PCDHA8: variants seen among roughly 807,000 people sequenced by gnomAD.
PCDHA8 encodes protocadherin alpha 8.
Under a neutral mutation model 61.8 loss-of-function variants are expected in PCDHA8, and 53 were observed. The observed-to-expected ratio is 0.86, with a 90% CI of 0.69 to 1.08. The LOEUF is 1.08. Among genes scored for constraint, PCDHA8 ranks in the 50% least tolerant of loss-of-function variants. The probability of loss-of-function intolerance (pLI) is 0.00; values close to 1 mark genes in which losing one functional copy is unlikely to be tolerated. For missense variants in PCDHA8, 1,293 were observed against 1,245.0 expected (o/e 1.04, Z -0.58); for synonymous variants, 618 against 556.6 (o/e 1.11, Z -1.55).
intron 1 of PCDHA8, among the ~76,000 whole-genome samples, chr5:140,962,106 C>T (rs1156902232): frequency 4.6e-5 from 7 of 152,130 alleles, no homozygotes; most frequent in Non-Finnish European, 7.4e-5. Context: ...AGGATGGTCT[C>T]GATCTCCTAA....
intron 1 of PCDHA8, chr5:140,876,592 G>A (rs1469576623): frequency 1.2e-6 from 2 of 1,614,164 alleles, no homozygotes; most frequent in Middle Eastern, 1.6e-4. Flanking sequence ...CCTGATTAGC[G>A]TGTCGGATCG....
At chr5:140,968,653 C>T (rs1301566656) in intron 1 of PCDHA8, 1 of 1,614,150 alleles carries the variant, frequency 6.2e-7, no homozygotes, top group Non-Finnish European at 8.5e-7. Flanking sequence ...AGACTTCTGA[C>T]CTGGACCTCT....
chr5:140,880,419 G>A (rs1554171271), intron 1 of PCDHA8, among the ~76,000 whole-genome samples: 2 of 152,106 alleles, frequency 1.3e-5, no homozygotes, highest in Non-Finnish European at 2.9e-5. Context: ...TTAAAAGCGG[G>A]AACAGTTTTT....
intron 2 of PCDHA8, among the ~76,000 whole-genome samples, chr5:140,979,246 C>A (rs944063929): frequency 2.0e-5 from 3 of 152,206 alleles, no homozygotes; most frequent in African/African-American, 7.2e-5. Context: ...AAACAGGCTG[C>A]TATGTATTTT....
chr5:140,959,491 G>A (rs761208761), intron 1 of PCDHA8, among the ~76,000 whole-genome samples: 6 of 151,956 alleles, frequency 3.9e-5, no homozygotes, highest in Non-Finnish European at 7.4e-5. Context: ...TGTTATATAT[G>A]GATCAAACTA....
At chr5:140,901,452 A>G (rs1352830826) in intron 1 of PCDHA8, among the ~76,000 whole-genome samples, 1 of 152,120 alleles carries the variant, frequency 6.6e-6, no homozygotes, top group African/African-American at 2.4e-5. Flanking sequence ...TTCCCAGCAC[A>G]GACTGTCTTT....
chr5:140,982,094 G>T (rs2096965818), intron 2 of PCDHA8, among the ~76,000 whole-genome samples: 1 of 152,230 alleles, frequency 6.6e-6, no homozygotes, highest in Admixed American at 6.5e-5. Context: ...AGGAACAAGA[G>T]AACCTGCAAG....
intron 1 of PCDHA8, chr5:140,857,097 T>C (rs782084085): frequency 6.3e-7 from 1 of 1,597,284 alleles, no homozygotes; most frequent in Non-Finnish European, 8.6e-7. Context: ...CCTGAGGTGA[T>C]TGTCACTTCT....
At chr5:140,872,134 A>C (rs938546166) in intron 1 of PCDHA8, among the ~76,000 whole-genome samples, 1 of 152,112 alleles carries the variant, frequency 6.6e-6, no homozygotes, top group Non-Finnish European at 1.5e-5. Context: ...CAAAGCTAGA[A>C]TACTCCATTA....
intron 1 of PCDHA8, chr5:140,870,382 C>G (rs782627889): frequency 7.4e-6 from 12 of 1,614,062 alleles, no homozygotes; most frequent in Non-Finnish European, 1.0e-5. Context: ...GGTGACTGCG[C>G]GGGATGGGGG....
intron 1 of PCDHA8, among the ~76,000 whole-genome samples, chr5:140,960,837 G>A (rs1554225051): frequency 6.6e-6 from 1 of 151,456 alleles, no homozygotes; most frequent in African/African-American, 2.5e-5. Flanking sequence ...ACTTGGAACA[G>A]GTTTAATGGC....
rs782070226 is a variant in PCDHA8 at position 141,010,142 on chromosome 5, C to G, written c.*205C>G. 1 of 1,588,326 alleles carries G rather than the reference C, an allele frequency of 6.3e-7. No homozygotes were observed. Among genetic ancestry groups the G allele is most frequent in the South Asian group, 1.1e-5 (1 of 88,492 alleles). On this transcript the variant is annotated 3_prime_UTR_variant, in exon 4 of 4. Transcript: ENST00000531613. ...TTACTAAGTCTGGTGTTAACTCTTTCTCTCCACTCTGGCTTGTTTTCAGAA... is the reference window on the plus strand; with the variant it reads ...TTACTAAGTCTGGTGTTAACTCTTTGTCTCCACTCTGGCTTGTTTTCAGAA...
rs143469399 is a variant in PCDHA8 at position 140,850,397 on chromosome 5, G to T, written c.2394+6682G>T. On this transcript the variant is annotated intron_variant, in intron 1 of 3. Transcript: ENST00000531613. ...TGTACACGGGCGAGATCAGCACAAC[G>T]CGTGCCCTGGACGAAACGGACGCAC... 3.1e-6 allele frequency: 5 copies of T among 1,597,958 alleles called. No homozygotes were observed. The Admixed American group carries it at 6.8e-5, about 22-fold the overall frequency.
intron 1 of PCDHA8, among the ~76,000 whole-genome samples, chr5:140,965,230 C>T (rs2095881666): frequency 6.6e-6 from 1 of 152,126 alleles, no homozygotes; most frequent in Non-Finnish European, 1.5e-5. Flanking sequence ...ATGTGAGAAC[C>T]TGGGAAGAGT....
intron 1 of PCDHA8, among the ~76,000 whole-genome samples, chr5:140,941,192 TTTC>T (rs1447153939): frequency 7.0e-5 from 7 of 99,658 alleles, no homozygotes; most frequent in Admixed American, 1.0e-4. Flanking sequence ...CTTCTTTTTT[TTTC>T]TTTCTTCCTT....
intron 1 of PCDHA8, chr5:140,850,860 C>T (rs2150500728): frequency 6.3e-7 from 1 of 1,593,350 alleles, no homozygotes; most frequent in Non-Finnish European, 8.6e-7. Flanking sequence ...AACGGGAGAA[C>T]CCTCTGCTTC....
intron 1 of PCDHA8, among the ~76,000 whole-genome samples, chr5:140,921,151 ATT>A (rs11299094): frequency 0.33 from 49,606 of 151,532 alleles, 8,413 homozygotes; most frequent in East Asian, 0.53. Flanking sequence ...CAGCTAATGC[ATT>A]TTTTTTTTAA....
At chr5:140,890,223 G>C (rs1218987173) in intron 1 of PCDHA8, among the ~76,000 whole-genome samples, 3 of 152,108 alleles carry the variant, frequency 2.0e-5, no homozygotes, top group Non-Finnish European at 4.4e-5. Context: ...CAGAGACCTA[G>C]TTGTTAAGCA....
chr5:140,851,692 A>T, intron 1 of PCDHA8: 1 of 939,600 alleles, frequency 1.1e-6, no homozygotes, highest in Non-Finnish European at 1.3e-6. Flanking sequence ...TCAGTGATAA[A>T]ATGATCAGCC....
Sources: allele counts gnomAD v4.1 joint callset (sites outside exome capture counted in the v4.1 genomes callset), GRCh38; gene constraint gnomAD v4.1.1; transcripts MANE v1.5; gene names NCBI Gene and HGNC (gene_info 2026-07-23, HGNC 2026-07-21).